KCTD16: variants seen among roughly 807,000 people sequenced by gnomAD.
KCTD16 encodes the protein potassium channel tetramerization domain containing 16.
KCTD16 carries 13 observed loss-of-function variants against 33.2 expected under a neutral mutation model. The ratio of observed to expected loss-of-function variants is 0.39; its 90% CI spans 0.25 to 0.62. The LOEUF (loss-of-function observed/expected upper bound fraction) is 0.62, where lower values mean the gene tolerates loss of function less well. KCTD16 is among the 20% of genes least tolerant of loss of function. KCTD16 has a pLI of 0.50. For synonymous variants in KCTD16, 197 were observed against 195.3 expected (o/e 1.01, Z -0.07); for missense variants, 441 against 525.1 (o/e 0.84, Z 1.57).
chr5:144,269,142 A>C (rs1488273568), intron 3 of KCTD16, among the ~76,000 whole-genome samples: 1 of 152,096 alleles, frequency 6.6e-6, no homozygotes, highest in African/African-American at 2.4e-5. Context: ...GGGCTCATAG[A>C]AGGAGAAGAG....
intron 3 of KCTD16, among the ~76,000 whole-genome samples, chr5:144,430,114 C>T (rs936253464): frequency 6.6e-6 from 1 of 152,068 alleles, no homozygotes; most frequent in Non-Finnish European, 1.5e-5. Flanking sequence ...GGCATCGTAC[C>T]TGTGTAAGCC....
chr5:144,345,416 T>C (rs931181603), intron 3 of KCTD16, among the ~76,000 whole-genome samples: 3 of 152,128 alleles, frequency 2.0e-5, no homozygotes, highest in African/African-American at 7.2e-5. Context: ...TTACACAAGT[T>C]TATAGGCTGC....
chr5:144,368,213 T>G (rs1173773257), intron 3 of KCTD16, among the ~76,000 whole-genome samples: 1 of 152,140 alleles, frequency 6.6e-6, no homozygotes, highest in Non-Finnish European at 1.5e-5. Context: ...TATGTTACAT[T>G]ACATGACAGA....
chr5:144,220,679 C>T (rs1383644418), intron 3 of KCTD16, among the ~76,000 whole-genome samples: 4 of 152,146 alleles, frequency 2.6e-5, no homozygotes, highest in South Asian at 2.1e-4. Flanking sequence ...CAGTGGCTCA[C>T]GCCTGTAATC....
chr5:144,423,938 G>GA (rs1753266684), intron 3 of KCTD16, among the ~76,000 whole-genome samples: 2 of 151,974 alleles, frequency 1.3e-5, no homozygotes, highest in Admixed American at 6.6e-5. Flanking sequence ...CTGATGAGCT[G>GA]AAAAAAAAGA....
intron 3 of KCTD16, among the ~76,000 whole-genome samples, chr5:144,282,074 A>G (rs1442709847): frequency 1.3e-5 from 2 of 152,212 alleles, no homozygotes; most frequent in Non-Finnish European, 2.9e-5. Flanking sequence ...TAAGCTAGTG[A>G]GATAACTGGT....
intron 3 of KCTD16, among the ~76,000 whole-genome samples, chr5:144,399,749 A>G (rs1188997028): frequency 6.6e-6 from 1 of 152,124 alleles, no homozygotes; most frequent in Admixed American, 6.6e-5. Flanking sequence ...TCTTACACTC[A>G]TCTCATTTTC....
At position 144,278,658 on chromosome 5, in the gene KCTD16, C is replaced by T. The variant is rs977273971; in HGVS notation, c.832+71112C>T. ...GACTACAGGCGCCCGCCACCGCGCC[C>T]GGCTAATTTTTTGTATTTTTAGTAG... On this transcript the variant is annotated intron_variant, in intron 3 of 3. Coordinates refer to ENST00000512467, the MANE Select transcript of KCTD16 (RefSeq NM_020768.4). Among the ~76,000 whole-genome samples the T allele has an allele frequency of 2.0e-5, 3 of 151,334 alleles. 1 individual carries two copies. The highest frequency in any genetic ancestry group is 3.0e-5 in the Non-Finnish European group (2 of 67,792).
At chr5:144,266,454 A>G (rs1201231487) in intron 3 of KCTD16, among the ~76,000 whole-genome samples, 2 of 152,224 alleles carry the variant, frequency 1.3e-5, no homozygotes, top group Admixed American at 1.3e-4. Flanking sequence ...AGCATCAAAA[A>G]GATTTGTTCA....
At chr5:144,334,306 C>T (rs1460205833) in intron 3 of KCTD16, among the ~76,000 whole-genome samples, 2 of 152,096 alleles carry the variant, frequency 1.3e-5, no homozygotes, top group Non-Finnish European at 2.9e-5. Context: ...TATATTAGTT[C>T]TTGGTTTTGG....
rs964124632 is a variant in KCTD16, at chr5:144,474,798, G to C, written c.*684G>C. On this transcript the variant is annotated 3_prime_UTR_variant, in exon 4 of 4. Coordinates refer to ENST00000512467, the MANE Select transcript of KCTD16 (RefSeq NM_020768.4). ...CTGACTCTTTCTTAAAATTCTTTTG[G>C]GAAGATTTCCCAGCCTTTCTTCACA... 6.6e-6 allele frequency: 1 copy of C among 151,972 alleles called. No individual in the cohort carries two copies. The highest frequency in any genetic ancestry group is 1.5e-5 in the Non-Finnish European group (1 of 67,992). The allele number at this position is 151,972 out of a possible 1,614,324, so 9.4% of individuals were successfully genotyped here. A position where few individuals can be genotyped will look rare whatever the true frequency, so the allele number is the denominator to read the frequency against.
At chr5:144,300,074 T>C (rs1314448021) in intron 3 of KCTD16, among the ~76,000 whole-genome samples, 2 of 152,138 alleles carry the variant, frequency 1.3e-5, no homozygotes, top group Non-Finnish European at 2.9e-5. Context: ...GCCTAGTAGC[T>C]GTGGTTGACT....
intron 2 of KCTD16, among the ~76,000 whole-genome samples, chr5:144,179,606 A>G (rs1317680693): frequency 1.3e-5 from 2 of 152,244 alleles, no homozygotes; most frequent in African/African-American, 4.8e-5. Flanking sequence ...CATGGTAGAT[A>G]GAAGACTATC....
chr5:144,217,880 T>C (rs770791671), intron 3 of KCTD16, among the ~76,000 whole-genome samples: 30 of 152,186 alleles, frequency 2.0e-4, no homozygotes, highest in Non-Finnish European at 3.8e-4. Context: ...TGTAATTTTG[T>C]TTTCTTACAC....
chr5:144,424,035 C>T (rs1029561155), intron 3 of KCTD16, among the ~76,000 whole-genome samples: 2 of 152,146 alleles, frequency 1.3e-5, no homozygotes, highest in African/African-American at 4.8e-5. Context: ...ATGCTTTATA[C>T]TGAAGTATGA....
At chr5:144,416,542 T>G (rs1269702539) in intron 3 of KCTD16, among the ~76,000 whole-genome samples, 1 of 152,176 alleles carries the variant, frequency 6.6e-6, no homozygotes, top group African/African-American at 2.4e-5. Flanking sequence ...TTGGTCCAAG[T>G]CATTGTCCCT....
chr5:144,378,825 T>C (rs1482611456), intron 3 of KCTD16, among the ~76,000 whole-genome samples: 1 of 152,206 alleles, frequency 6.6e-6, no homozygotes, highest in Non-Finnish European at 1.5e-5. Flanking sequence ...TTATTTGGCC[T>C]CTTCTCTCTG....
intron 3 of KCTD16, among the ~76,000 whole-genome samples, chr5:144,301,793 T>C (rs1312581144): frequency 1.3e-5 from 2 of 152,174 alleles, no homozygotes; most frequent in African/African-American, 4.8e-5. Context: ...AAATCTTGTA[T>C]TTTTGGTTCT....
intron 3 of KCTD16, among the ~76,000 whole-genome samples, chr5:144,300,739 A>G (rs1751411988): frequency 6.6e-6 from 1 of 152,314 alleles, no homozygotes; most frequent in African/African-American, 2.4e-5. Flanking sequence ...GCAAAACAGG[A>G]GAGTCCACCC....
Sources: allele counts gnomAD v4.1 joint callset (sites outside exome capture counted in the v4.1 genomes callset), GRCh38; gene constraint gnomAD v4.1.1; transcripts MANE v1.5; gene names NCBI Gene and HGNC (gene_info 2026-07-23, HGNC 2026-07-21).